The following PRUNE2 variants were observed in gnomAD, a reference collection of about 807,000 sequenced individuals.
The protein encoded by PRUNE2 is protein prune homolog 2.
In PRUNE2, 164 loss-of-function variants were observed where a neutral mutation model predicts 252.0. That is an observed-to-expected ratio of 0.65 (90% CI 0.57 to 0.74). PRUNE2 has a LOEUF of 0.74. PRUNE2 is among the 30% of genes least tolerant of loss of function. PRUNE2 has a pLI of 0.00. For synonymous variants in PRUNE2, 1,292 were observed against 1,350.2 expected (o/e 0.96, Z 0.94); for missense variants, 3,495 against 3,711.0 (o/e 0.94, Z 1.51).
rs1265050030 is a variant in PRUNE2 at position 76,612,068 on chromosome 9, T to C, written c.*2502A>G. 1.3e-5 allele frequency: 2 copies of C among 152,484 alleles called. No individual in the cohort carries two copies. Among genetic ancestry groups the C allele is most frequent in the Admixed American group, 6.5e-5 (1 of 15,308 alleles). The allele number at this position is 152,484 out of a possible 1,614,324, so 9.4% of individuals were successfully genotyped here. ...TCTAGGATTCATCTAGGATTCTATT[T>C]ACTTGGGGTGAATGTACATGGTAGC... is the stretch of plus-strand genomic sequence containing the variant. On this transcript the variant is annotated 3_prime_UTR_variant, in exon 19 of 19. Coordinates refer to ENST00000376718, the MANE Select transcript of PRUNE2 (RefSeq NM_015225.3).
In PRUNE2 at chr9:76,887,725, G is replaced by A. The variant is rs184513311; in HGVS notation, c.36+18203C>T. ...CCATGAGAGCAGCATATCCCAGACA[G>A]CTGTTGCTCCTTTTGCCTACATTCC... On this transcript the variant is annotated intron_variant, in intron 1 of 18. Transcript: ENST00000376718. 9.2e-4 allele frequency among the ~76,000 whole-genome samples: 140 copies of A among 152,338 alleles called. 1 individual carries two copies. The highest frequency in any genetic ancestry group is 6.0e-4 in the Non-Finnish European group (41 of 68,040).
chr9:76,623,363 C>T (rs111691876), intron 17 of PRUNE2, among the ~76,000 whole-genome samples: 19,744 of 150,822 alleles, frequency 0.13, 1,571 homozygotes, highest in Admixed American at 0.25. Flanking sequence ...GGCATGATCT[C>T]GGCTCACTGC....
At chr9:76,804,383 C>T (rs556119082) in intron 6 of PRUNE2, among the ~76,000 whole-genome samples, 85 of 152,338 alleles carry the variant, frequency 5.6e-4, no homozygotes, top group Middle Eastern at 6.8e-3. Context: ...TTTCCAAATT[C>T]CAGTCCTTTC....
At chr9:76,660,930 A>T (rs117519434) in intron 9 of PRUNE2, among the ~76,000 whole-genome samples, 243 of 152,280 alleles carry the variant, frequency 1.6e-3, no homozygotes, top group Non-Finnish European at 3.0e-3. Flanking sequence ...AAAACCCTAT[A>T]AACTACACTT....
intron 6 of PRUNE2, among the ~76,000 whole-genome samples, chr9:76,805,428 G>A (rs989967922): frequency 7.9e-5 from 12 of 152,196 alleles, no homozygotes; most frequent in African/African-American, 2.2e-4. Flanking sequence ...CAACAGCAGC[G>A]TGGGCAACAT....
At chr9:76,898,649 T>C (rs1411837750) in intron 1 of PRUNE2, among the ~76,000 whole-genome samples, 1 of 151,914 alleles carries the variant, frequency 6.6e-6, no homozygotes, top group Non-Finnish European at 1.5e-5. Context: ...ACAACTATAA[T>C]GAGATTAAAA....
In PRUNE2 at chr9:76,774,831, C is replaced by A. The variant is rs116029976; in HGVS notation, c.756+48801G>T. ...TGGAGGAAACAGGGGAGCTTTAGCA[C>A]CTTTGAGTAGTGAAAAGATTGTAGA... On this transcript the variant is annotated intron_variant, in intron 6 of 18. Coordinates refer to ENST00000376718, the MANE Select transcript of PRUNE2 (RefSeq NM_015225.3). Among the ~76,000 whole-genome samples, 765 of 152,176 alleles carry A rather than the reference C, an allele frequency of 5.0e-3. 4 individuals are homozygous for A. Among genetic ancestry groups the A allele is most frequent in the African/African-American group, 0.017 (726 of 41,508 alleles).
intron 6 of PRUNE2, among the ~76,000 whole-genome samples, chr9:76,751,824 G>A (rs2135740027): frequency 6.6e-6 from 1 of 152,288 alleles, no homozygotes; most frequent in Admixed American, 6.5e-5. Context: ...CAAAGTCTAA[G>A]TCAGAAAACT....
At chr9:76,630,265 T>G (rs541144655) in intron 15 of PRUNE2, among the ~76,000 whole-genome samples, 61 of 149,640 alleles carry the variant, frequency 4.1e-4, no homozygotes, top group Middle Eastern at 6.8e-3. Flanking sequence ...AATTTTTGTT[T>G]TTTTTTTTTT....
At position 76,854,200 on chromosome 9, in the gene PRUNE2, G is replaced by C. The variant is rs1017917985; in HGVS notation, c.45C>G (p.Ser15Arg). ...LQRAKSKLNR[S>R]KRLEKVHVVI... ...CCACATGGACCTTCTCCAAGCGTTT[G>C]CTTCGATTCTGAAACAAATTCAAAG... Residue 15 changes from serine (S) to arginine (R), a missense_variant, in exon 2 of 19, where the codon AGC (serine) becomes AGG (arginine). Physicochemically the swap from Ser to Arg is moderately radical, Grantham distance 110. Coordinates refer to ENST00000376718, the MANE Select transcript of PRUNE2 (RefSeq NM_015225.3). The C allele has an allele frequency of 6.3e-7, 1 of 1,581,246 alleles. No individual in the cohort carries two copies. The highest frequency in any genetic ancestry group is 8.6e-7 in the Non-Finnish European group (1 of 1,159,142).
intron 9 of PRUNE2, among the ~76,000 whole-genome samples, chr9:76,702,952 A>G (rs1305244799): frequency 1.3e-5 from 2 of 151,904 alleles, no homozygotes; most frequent in Admixed American, 6.6e-5. Context: ...CATTCCCCCC[A>G]CTGGCATGTT....
intron 6 of PRUNE2, among the ~76,000 whole-genome samples, chr9:76,714,655 G>A (rs1456768588): frequency 1.3e-5 from 2 of 152,162 alleles, no homozygotes; most frequent in Non-Finnish European, 2.9e-5. Flanking sequence ...CTTCATCCTT[G>A]CAAAGTGCTG....
At chr9:76,858,558 T>C (rs1410294749) in intron 1 of PRUNE2, among the ~76,000 whole-genome samples, 2 of 151,864 alleles carry the variant, frequency 1.3e-5, no homozygotes, top group African/African-American at 4.8e-5. Flanking sequence ...AGTTGAGCAA[T>C]GAGAACACAT....
In PRUNE2 at chr9:76,756,422, G is replaced by C. The variant is rs560124121; in HGVS notation, c.757-42701C>G. 2.6e-3 allele frequency among the ~76,000 whole-genome samples: 402 copies of C among 152,344 alleles called. 1 individual carries two copies. Among genetic ancestry groups the C allele is most frequent in the Admixed American group, 6.8e-3 (104 of 15,306 alleles). ...ATTGGTAAACCCCTGGGAGCTGCCT[G>C]TATGGCTCACTGGCCAGATGGCGCT... On this transcript the variant is annotated intron_variant, in intron 6 of 18. Transcript: ENST00000376718.
intron 1 of PRUNE2, among the ~76,000 whole-genome samples, chr9:76,895,332 C>G (rs559254848): frequency 6.6e-6 from 1 of 152,148 alleles, no homozygotes; most frequent in Non-Finnish European, 1.5e-5. Context: ...ACATCTTGTA[C>G]GTGCTGAGGC....
intron 6 of PRUNE2, among the ~76,000 whole-genome samples, chr9:76,740,652 CA>C (rs2049534560): frequency 6.6e-6 from 1 of 152,066 alleles, no homozygotes; most frequent in African/African-American, 2.4e-5. Context: ...TAATGCAAGA[CA>C]AATGTTTTCC....
At chr9:76,876,726 C>T (rs1677791871) in intron 1 of PRUNE2, among the ~76,000 whole-genome samples, 1 of 152,268 alleles carries the variant, frequency 6.6e-6, no homozygotes, top group East Asian at 1.9e-4. Context: ...TAAGCTACTT[C>T]CCACACTAGT....
intron 11 of PRUNE2, 57 bp from the exon 12 acceptor site, chr9:76,644,966 T>A (rs1292173550): frequency 1.0e-5 from 15 of 1,503,200 alleles, no homozygotes; most frequent in East Asian, 2.3e-5. Context: ...ACAGTGCAGC[T>A]AAACAGCCAA....
chr9:76,642,001 T>TAAAAAAAAAAAAAAGA, intron 12 of PRUNE2: 1 of 1,010,460 alleles, frequency 9.9e-7, no homozygotes, highest in East Asian at 2.8e-5. Context: ...ATAAGAGAAG[T>TAAAAAAAAAAAAAAGA]AAAAAAAAAA....
Sources: allele counts gnomAD v4.1 joint callset (sites outside exome capture counted in the v4.1 genomes callset), GRCh38; gene constraint gnomAD v4.1.1; transcripts MANE v1.5; gene names NCBI Gene and HGNC (gene_info 2026-07-23, HGNC 2026-07-21).